MAML2: variants seen among roughly 807,000 people sequenced by gnomAD.
MAML2 encodes the protein mastermind like transcriptional coactivator 2.
In MAML2, 22 loss-of-function variants were observed where a neutral mutation model predicts 96.1. That is an observed-to-expected ratio of 0.23 (90% CI 0.16 to 0.33). The LOEUF (loss-of-function observed/expected upper bound fraction) is 0.33, where lower values mean the gene tolerates loss of function less well. Ranked by LOEUF, MAML2 falls within the 10% of genes least tolerant of loss-of-function variation. MAML2 has a pLI of 1.00. For missense variants in MAML2, 1,367 were observed against 1,392.4 expected (o/e 0.98, Z 0.29); for synonymous variants, 561 against 521.3 (o/e 1.08, Z -1.04).
At chr11:96,159,526 C>T (rs1323502445) in intron 1 of MAML2, among the ~76,000 whole-genome samples, 1 of 150,610 alleles carries the variant, frequency 6.6e-6, no homozygotes. Context: ...CCCGGGTTCA[C>T]GCCACTCTCC....
At chr11:96,324,613 A>G (rs1397542837) in intron 1 of MAML2, among the ~76,000 whole-genome samples, 1 of 152,204 alleles carries the variant, frequency 6.6e-6, no homozygotes, top group Non-Finnish European at 1.5e-5. Flanking sequence ...TTCACCTTGA[A>G]GCAAAATCCC....
rs114058350 is a variant in MAML2 at position 95,978,421 on chromosome 11, T to C, written c.*527A>G. 152 of 196,966 alleles carry C rather than the reference T, an allele frequency of 7.7e-4. No individual in the cohort carries two copies. The highest frequency in any genetic ancestry group is 3.1e-3 in the African/African-American group (134 of 43,486). 12.2% of individuals were successfully genotyped at this position (196,966 alleles called of 1,614,324 possible). On this transcript the variant is annotated 3_prime_UTR_variant, in exon 5 of 5. Transcript: ENST00000524717. ...TCTAGGTTCTCTGGCTTTTTCTTAA[T>C]TTGCATACTGTTTGGTTACTCCAAA...
intron 1 of MAML2, among the ~76,000 whole-genome samples, chr11:96,168,807 TG>T (rs1309234613): frequency 6.6e-6 from 1 of 152,146 alleles, no homozygotes; most frequent in Non-Finnish European, 1.5e-5. Flanking sequence ...TTCACTATGC[TG>T]AGATCAGCTA....
chr11:96,283,360 G>C (rs1192650612), intron 1 of MAML2, among the ~76,000 whole-genome samples: 2 of 152,170 alleles, frequency 1.3e-5, no homozygotes, highest in Non-Finnish European at 2.9e-5. Context: ...AGATGTGTGA[G>C]TTTAATACTG....
chr11:96,152,864 A>C (rs953222503), intron 1 of MAML2, among the ~76,000 whole-genome samples: 4 of 152,176 alleles, frequency 2.6e-5, no homozygotes, highest in Non-Finnish European at 5.9e-5. Context: ...CCCTCAAGAC[A>C]AGCAGCCTGC....
chr11:96,275,224 C>T (rs900169324), intron 1 of MAML2, among the ~76,000 whole-genome samples: 1 of 149,442 alleles, frequency 6.7e-6, no homozygotes, highest in East Asian at 2.0e-4. Flanking sequence ...AGTTCTTAAA[C>T]ATATCCTAAC....
In MAML2 at chr11:95,978,871, A is replaced by G; in HGVS notation, c.*77T>C. The G allele has an allele frequency of 7.8e-7, 1 of 1,280,380 alleles. No homozygotes were observed. The highest frequency in any genetic ancestry group is 1.1e-6 in the Non-Finnish European group (1 of 943,662). The allele number at this position is 1,280,380 out of a possible 1,614,324, so 79.3% of individuals were successfully genotyped here. ...TCATGTAGTCCACCTGAACATCAAC[A>G]GTTCAGCCTCTACAGAGTTTCTGTA... On this transcript the variant is annotated 3_prime_UTR_variant, in exon 5 of 5. Coordinates refer to ENST00000524717, the MANE Select transcript of MAML2 (RefSeq NM_032427.4).
chr11:96,309,567 C>G (rs1343643928), intron 1 of MAML2, among the ~76,000 whole-genome samples: 1 of 152,132 alleles, frequency 6.6e-6, no homozygotes, highest in Non-Finnish European at 1.5e-5. Flanking sequence ...ATCACCATTT[C>G]ATAGATGGTG....
intron 2 of MAML2, among the ~76,000 whole-genome samples, chr11:96,028,552 C>T (rs1858562022): frequency 6.6e-6 from 1 of 152,200 alleles, no homozygotes; most frequent in African/African-American, 2.4e-5. Flanking sequence ...ACTGTCTTTT[C>T]ACTCCTATAT....
intron 1 of MAML2, among the ~76,000 whole-genome samples, chr11:96,254,693 A>G (rs1414164735): frequency 2.6e-5 from 4 of 152,276 alleles, no homozygotes; most frequent in Admixed American, 2.6e-4. Context: ...CAAGATTGCC[A>G]AAAGAAGAAT....
intron 2 of MAML2, among the ~76,000 whole-genome samples, chr11:96,072,980 C>T (rs1056523010): frequency 7.9e-5 from 12 of 152,156 alleles, no homozygotes; most frequent in African/African-American, 2.9e-4. Context: ...TTGGCTCAAA[C>T]TATTGATAAT....
At chr11:96,276,968 G>A (rs908625738) in intron 1 of MAML2, among the ~76,000 whole-genome samples, 4 of 152,094 alleles carry the variant, frequency 2.6e-5, no homozygotes, top group African/African-American at 7.2e-5. Flanking sequence ...TAGCTCATAC[G>A]TGCAAGGTAC....
At chr11:96,336,863 T>C (rs1011255811) in intron 1 of MAML2, among the ~76,000 whole-genome samples, 10 of 152,214 alleles carry the variant, frequency 6.6e-5, no homozygotes, top group African/African-American at 2.4e-4. Context: ...AAGCCATAAG[T>C]GATTAAACAT....
chr11:96,316,430 G>A (rs539969842), intron 1 of MAML2, among the ~76,000 whole-genome samples: 26 of 152,324 alleles, frequency 1.7e-4, no homozygotes, highest in Non-Finnish European at 3.2e-4. Flanking sequence ...TAACAGAAGA[G>A]TAATCTCTTT....
chr11:96,167,686 C>T (rs1452779039), intron 1 of MAML2, among the ~76,000 whole-genome samples: 2 of 152,166 alleles, frequency 1.3e-5, no homozygotes, highest in Non-Finnish European at 2.9e-5. Flanking sequence ...AATCTCCTCC[C>T]GATTCTTCAA....
chr11:96,331,072 C>T (rs1565286249), intron 1 of MAML2, among the ~76,000 whole-genome samples: 1 of 152,014 alleles, frequency 6.6e-6, no homozygotes, highest in Non-Finnish European at 1.5e-5. Flanking sequence ...GAGTTTGAGA[C>T]CAGCCTGGGC....
intron 1 of MAML2, among the ~76,000 whole-genome samples, chr11:96,116,897 A>G (rs879000626): frequency 6.6e-6 from 1 of 152,256 alleles, no homozygotes; most frequent in Admixed American, 6.5e-5. Context: ...TGAGGAGGAC[A>G]ACAAAAGCTA....
intron 1 of MAML2, among the ~76,000 whole-genome samples, chr11:96,110,757 G>A (rs551873962): frequency 2.6e-5 from 4 of 152,268 alleles, no homozygotes; most frequent in South Asian, 4.2e-4. Context: ...AGAGATGGAC[G>A]GCATTGAGTG....
At position 96,067,455 on chromosome 11, in the gene MAML2, A is replaced by G. The variant is rs1306675563; in HGVS notation, c.2139+24437T>C. Among the ~76,000 whole-genome samples, 3 of 152,336 alleles carry G rather than the reference A, an allele frequency of 2.0e-5. No homozygotes were observed. In the East Asian group the frequency reaches 5.8e-4, roughly 29 times the overall value. On this transcript the variant is annotated intron_variant, in intron 2 of 4. Coordinates refer to ENST00000524717, the MANE Select transcript of MAML2 (RefSeq NM_032427.4). ...ATAGCCTTATAACAGTAATGTTTCT[A>G]TTTCAGAGAGTAAATCTATCATCTC...
Sources: gnomAD v4.1 joint callset for allele counts (sites outside exome capture counted in the v4.1 genomes callset) on GRCh38, gnomAD v4.1.1 for gene constraint, MANE v1.5 for transcripts, NCBI Gene and HGNC (gene_info 2026-07-23, HGNC 2026-07-21) for gene names.